Variants in EML4 observed in about 807,000 individuals in gnomAD.
EML4 encodes the protein echinoderm microtubule-associated protein-like 4.
EML4 carries 72 observed loss-of-function variants against 129.0 expected under a neutral mutation model. That is an observed-to-expected ratio of 0.56 (90% CI 0.46 to 0.68). EML4 has a LOEUF of 0.68. EML4 is among the 30% of genes least tolerant of loss of function. The pLI, the probability that EML4 is intolerant of heterozygous loss-of-function variation, is 0.00. For missense variants in EML4, 1,363 were observed against 1,190.6 expected (o/e 1.14, Z -2.13); for synonymous variants, 532 against 405.0 (o/e 1.31, Z -3.77).
chr2:42,304,587 G>A (rs1431236390), intron 17 of EML4, 36 bp downstream of exon 17: 2 of 1,498,248 alleles, frequency 1.3e-6, no homozygotes, highest in African/African-American at 1.4e-5. Context: ...ATCTGAAGTG[G>A]TGGGATGTTT....
chr2:42,231,722 G>C (rs1264917558), intron 1 of EML4, among the ~76,000 whole-genome samples: 1 of 152,156 alleles, frequency 6.6e-6, no homozygotes, highest in Non-Finnish European at 1.5e-5. Context: ...GGCCAAGGTG[G>C]GTGGATCACG....
rs745696038 is a variant in EML4 at position 42,301,338 on chromosome 2, A to G, written c.1587A>G (p.Lys529=). 1.2e-5 allele frequency: 20 copies of G among 1,613,474 alleles called. No individual in the cohort carries two copies. Among genetic ancestry groups the G allele is most frequent in the Non-Finnish European group, 1.7e-5 (20 of 1,179,626 alleles). ...RNGMLLTGGG[K]DRKIILWDHD... ...GGATGTTATTAACTGGAGGAGGGAA[A>G]GACAGAAAAATAATTCTGTGGGATC... Residue 529 remains lysine (K), a synonymous_variant, in exon 14 of 23, where the codon AAA becomes AAG. Coordinates refer to ENST00000318522, the MANE Select transcript of EML4 (RefSeq NM_019063.5).
At position 42,245,090 on chromosome 2, in the gene EML4, CT is replaced by C. The variant is rs960416568; in HGVS notation, c.26-412del. Among the ~76,000 whole-genome samples the C allele has an allele frequency of 9.0e-4, 13 of 14,494 alleles. 1 individual carries two copies. Among genetic ancestry groups the C allele is most frequent in the African/African-American group, 4.1e-3 (13 of 3,172 alleles). 9.5% of individuals were successfully genotyped at this position (14,494 alleles called of 152,430 possible). ...ATGGAGTTTTTTGTTTTGAAATTTT[CT>C]TTCTTTTTTTTTTTTTTTTTTGAGA... On this transcript the variant is annotated intron_variant, in intron 1 of 22. Transcript: ENST00000318522.
At chr2:42,217,585 G>C (rs990305674) in intron 1 of EML4, among the ~76,000 whole-genome samples, 1 of 152,120 alleles carries the variant, frequency 6.6e-6, no homozygotes. Context: ...TAAACGTAGA[G>C]TTTTCTTTGT....
rs1448227946 is a variant in EML4, at chr2:42,169,615, G to A, written c.4G>A (p.Asp2Asn). Reference sequence around the variant, plus strand: ...AGCCCGGCGCTTTCCCCGCAAGATGGACGGTTTCGCCGGCAGTCTCGGTGA... The same window carrying A: ...AGCCCGGCGCTTTCCCCGCAAGATGAACGGTTTCGCCGGCAGTCTCGGTGA... M[D>N]GFAGSLDDSI... The change falls in exon 1 of 23, where the codon GAC (aspartate) becomes AAC (asparagine). Residue 2 changes from aspartate to asparagine, a missense_variant. Transcript: ENST00000318522. The A allele has an allele frequency of 6.2e-7, 1 of 1,600,766 alleles. No homozygotes were observed. Among genetic ancestry groups the A allele is most frequent in the Admixed American group, 1.7e-5 (1 of 58,884 alleles).
chr2:42,312,476 C>G (rs1260960957), intron 17 of EML4, among the ~76,000 whole-genome samples: 1 of 152,074 alleles, frequency 6.6e-6, no homozygotes, highest in Non-Finnish European at 1.5e-5. Context: ...TTCATCTGCA[C>G]AATAAAACTT....
At chr2:42,308,032 AATG>A (rs1668713167) in intron 17 of EML4, among the ~76,000 whole-genome samples, 1 of 152,280 alleles carries the variant, frequency 6.6e-6, no homozygotes, top group Admixed American at 6.5e-5. Flanking sequence ...AAAAAAAAGT[AATG>A]ATGTCTTCAT....
chr2:42,294,998 G>A, intron 11 of EML4, 127 bp from the exon 12 acceptor site: 2 of 805,584 alleles, frequency 2.5e-6, no homozygotes, highest in Admixed American at 3.2e-5. Flanking sequence ...CAGGAAAATT[G>A]TCTTAGAAGA....
At chr2:42,279,228 C>G (rs776177665) in intron 6 of EML4, among the ~76,000 whole-genome samples, 2 of 152,070 alleles carry the variant, frequency 1.3e-5, no homozygotes, top group African/African-American at 4.8e-5. Flanking sequence ...CACATCTTGG[C>G]TATTGTGAAT....
intron 1 of EML4, among the ~76,000 whole-genome samples, chr2:42,204,866 C>T (rs1449621529): frequency 6.6e-6 from 1 of 152,156 alleles, no homozygotes; most frequent in Non-Finnish European, 1.5e-5. Flanking sequence ...GAGTTACAAG[C>T]TAGTAATGAA....
At chr2:42,238,167 T>C (rs537858671) in intron 1 of EML4, among the ~76,000 whole-genome samples, 115 of 152,286 alleles carry the variant, frequency 7.6e-4, no homozygotes, top group African/African-American at 2.7e-3. Context: ...CCACAAGATA[T>C]CTCATTATGT....
chr2:42,257,800 G>A (rs1054016411), intron 3 of EML4, among the ~76,000 whole-genome samples: 5 of 148,234 alleles, frequency 3.4e-5, no homozygotes, highest in African/African-American at 1.2e-4. Flanking sequence ...TTGCGCCACT[G>A]TATCCCAGCC....
chr2:42,317,602 T>G, intron 19 of EML4, 78 bp downstream of exon 19: 1 of 922,464 alleles, frequency 1.1e-6, no homozygotes, highest in Non-Finnish European at 1.7e-6. Flanking sequence ...TACATCGATG[T>G]GTGTGTTGTT....
chr2:42,265,488 C>G lies in EML4; in HGVS notation c.667+757C>G, dbSNP rs542177120. ...CTCCTGACCTCAAGCAGTCCTCCCG[C>G]CTCAGCCCCCCAAAATGCTGGGATT... On this transcript the variant is annotated intron_variant, in intron 6 of 22. Coordinates refer to ENST00000318522, the MANE Select transcript of EML4 (RefSeq NM_019063.5). Among the ~76,000 whole-genome samples the G allele has an allele frequency of 2.0e-5, 3 of 152,274 alleles. No homozygotes were observed. The East Asian group carries it at 5.8e-4, about 29-fold the overall frequency.
At chr2:42,260,815 G>T (rs980247200) in intron 3 of EML4, among the ~76,000 whole-genome samples, 1 of 152,178 alleles carries the variant, frequency 6.6e-6, no homozygotes, top group African/African-American at 2.4e-5. Context: ...CTTGAGGTCA[G>T]TTAAGAGACC....
intron 2 of EML4, among the ~76,000 whole-genome samples, chr2:42,255,814 T>G (rs1428737252): frequency 6.6e-6 from 1 of 152,214 alleles, no homozygotes; most frequent in African/African-American, 2.4e-5. Flanking sequence ...AAAAATGCAG[T>G]GTTATACCAC....
At chr2:42,173,088 C>T (rs1376051776) in intron 1 of EML4, among the ~76,000 whole-genome samples, 1 of 152,148 alleles carries the variant, frequency 6.6e-6, no homozygotes, top group African/African-American at 2.4e-5. Flanking sequence ...ATTCTGGGTA[C>T]AGGTTGTAAA....
intron 13 of EML4, among the ~76,000 whole-genome samples, chr2:42,300,464 C>T (rs1357515538): frequency 2.0e-5 from 3 of 152,198 alleles, no homozygotes; most frequent in Non-Finnish European, 4.4e-5. Flanking sequence ...TCCCTGGGTA[C>T]TTAACAAAGT....
chr2:42,328,849 G>C, intron 21 of EML4, 37 bp from the exon 22 acceptor site: 2 of 1,546,028 alleles, frequency 1.3e-6, no homozygotes, highest in South Asian at 1.2e-5. Flanking sequence ...TATTTCTTCA[G>C]CTAATTTTTC....
Sources: allele counts gnomAD v4.1 joint callset (sites outside exome capture counted in the v4.1 genomes callset), GRCh38; gene constraint gnomAD v4.1.1; transcripts MANE v1.5; gene names NCBI Gene and HGNC (gene_info 2026-07-23, HGNC 2026-07-21).